Variants in MALRD1 observed in about 807,000 individuals in gnomAD.
MALRD1 encodes MAM and LDL receptor class A domain containing 1, also known as MAM and LDL-receptor class A domain-containing protein 1.
Under a neutral mutation model 242.1 loss-of-function variants are expected in MALRD1, and 247 were observed. The ratio of observed to expected loss-of-function variants is 1.02; its 90% CI spans 0.92 to 1.13. The LOEUF (loss-of-function observed/expected upper bound fraction) is 1.13. Ranked by LOEUF, MALRD1 falls within the 50% of genes most tolerant of loss-of-function variation. The pLI, the probability that MALRD1 is intolerant of heterozygous loss-of-function variation, is 0.00. For missense variants in MALRD1, 2,989 were observed against 2,533.1 expected (o/e 1.18, Z -3.86); for synonymous variants, 995 against 866.6 (o/e 1.15, Z -2.60).
chr10:19,568,581 C>A (rs1836360150), intron 33 of MALRD1, among the ~76,000 whole-genome samples: 1 of 152,032 alleles, frequency 6.6e-6, no homozygotes, highest in Middle Eastern at 3.2e-3. Context: ...ACATTCAGGG[C>A]CTGAGCATCC....
intron 21 of MALRD1, among the ~76,000 whole-genome samples, chr10:19,296,094 A>G (rs1305341691): frequency 6.6e-6 from 1 of 152,070 alleles, no homozygotes; most frequent in Admixed American, 6.6e-5. Context: ...TATTTTATAA[A>G]GCACTGCAAG....
At position 19,165,701 on chromosome 10, in the gene MALRD1, A is replaced by G. The variant is rs1175368208; in HGVS notation, c.1721A>G (p.Asp574Gly). ...TCAGTTTTTACAAGAACGTCTCTAGATGGAAACTTGCAAAAGCAGGGCAAA... is the reference window on the plus strand; with the variant it reads ...TCAGTTTTTACAAGAACGTCTCTAGGTGGAAACTTGCAAAAGCAGGGCAAA... Reference protein sequence around the residue: ...NLSVFTRTSLDGNLQKQGKII... With the variant: ...NLSVFTRTSLGGNLQKQGKII... The change falls in exon 13 of 40, where the codon GAT becomes GGT. Residue 574 changes from aspartate (D) to glycine (G), a missense_variant. Asp to Gly is a moderately conservative substitution (Grantham distance 94). Transcript: ENST00000454679. 33 of 1,231,562 alleles carry G rather than the reference A, an allele frequency of 2.7e-5. No homozygotes were observed. The Admixed American group carries it at 1.2e-3, about 44-fold the overall frequency. 76.3% of individuals were successfully genotyped at this position (1,231,562 alleles called of 1,614,324 possible). A position where few individuals can be genotyped will look rare whatever the true frequency, so the allele number is the denominator to read the frequency against.
chr10:19,118,624 T>C (rs190676340), intron 5 of MALRD1, among the ~76,000 whole-genome samples: 17 of 152,260 alleles, frequency 1.1e-4, no homozygotes, highest in Admixed American at 9.2e-4. Flanking sequence ...ACTGTAGATG[T>C]TTCTTATCAT....
At chr10:19,490,506 C>CGGT (rs771119301) in intron 29 of MALRD1, among the ~76,000 whole-genome samples, 1 of 19,886 alleles carries the variant, frequency 5.0e-5, no homozygotes, top group African/African-American at 1.8e-4. Flanking sequence ...CCAAGTGGGG[C>CGGT]GGGGGGGGGG....
At position 19,280,044 on chromosome 10, in the gene MALRD1, A is replaced by G. The variant is rs1275870889; in HGVS notation, c.3080-3A>G. On this transcript the variant is annotated splice_polypyrimidine_tract_variant and splice_region_variant and intron_variant, in intron 19 of 39. Transcript: ENST00000454679. ...TGATGCCTGTATATTATTTCTTATC[A>G]AGGTAATTTGCCAGCAGACCTCCCA... The G allele has an allele frequency of 6.7e-7, 1 of 1,490,370 alleles. No individual in the cohort carries two copies. Among genetic ancestry groups the G allele is most frequent in the Non-Finnish European group, 8.9e-7 (1 of 1,122,498 alleles). The allele number at this position is 1,490,370 out of a possible 1,614,324, so 92.3% of individuals were successfully genotyped here.
At chr10:19,423,495 G>A (rs1833790163) in intron 28 of MALRD1, among the ~76,000 whole-genome samples, 1 of 151,920 alleles carries the variant, frequency 6.6e-6, no homozygotes, top group South Asian at 2.1e-4. Context: ...AGTGCTCTAA[G>A]TGAATGGTGA....
At chr10:19,162,317 C>G (rs1214482180) in intron 12 of MALRD1, among the ~76,000 whole-genome samples, 2 of 152,110 alleles carry the variant, frequency 1.3e-5, no homozygotes, top group South Asian at 2.1e-4. Context: ...GTTACTTTCT[C>G]TCTATATATT....
intron 35 of MALRD1, among the ~76,000 whole-genome samples, chr10:19,613,864 C>T (rs1028709965): frequency 1.3e-5 from 2 of 151,832 alleles, no homozygotes; most frequent in Admixed American, 1.3e-4. Context: ...TTATGTTCAC[C>T]TTTACACACA....
intron 26 of MALRD1, among the ~76,000 whole-genome samples, chr10:19,366,708 T>C (rs1225233099): frequency 6.6e-6 from 1 of 152,204 alleles, no homozygotes; most frequent in Non-Finnish European, 1.5e-5. Context: ...CATTAGACCT[T>C]GTGCATTAGG....
chr10:19,138,123 C>T (rs1456425079), intron 10 of MALRD1, among the ~76,000 whole-genome samples: 2 of 150,466 alleles, frequency 1.3e-5, no homozygotes, highest in Non-Finnish European at 2.9e-5. Flanking sequence ...CTAAAATCCC[C>T]TTCTGCCATG....
At position 19,584,686 on chromosome 10, in the gene MALRD1, A is replaced by C. The variant is rs765130896; in HGVS notation, c.5681-10508A>C. ...GGAATAGGTGTGGTGTGGTGCTGAA[A>C]AAAATGTATATTCTGTTGATTTGGG... On this transcript the variant is annotated intron_variant, in intron 33 of 39. Transcript: ENST00000454679. 2.1e-3 allele frequency among the ~76,000 whole-genome samples: 312 copies of C among 151,948 alleles called. 2 individuals carry two copies. Among genetic ancestry groups the C allele is most frequent in the Non-Finnish European group, 3.3e-3 (225 of 67,846 alleles).
rs568051233 is a variant in MALRD1 at position 19,586,287 on chromosome 10, A to T, written c.5681-8907A>T. 1.3e-3 allele frequency among the ~76,000 whole-genome samples: 195 copies of T among 152,194 alleles called. 2 individuals are homozygous for T. Among genetic ancestry groups the T allele is most frequent in the African/African-American group, 4.6e-3 (190 of 41,496 alleles). ...CTGGTGAGGAACTGTGTTCCTTTGGAGGAGGAGAGGTGCTCTGCTTTTTAG... is the reference window on the plus strand; with the variant it reads ...CTGGTGAGGAACTGTGTTCCTTTGGTGGAGGAGAGGTGCTCTGCTTTTTAG... On this transcript the variant is annotated intron_variant, in intron 33 of 39. Coordinates refer to ENST00000454679, the MANE Select transcript of MALRD1 (RefSeq NM_001142308.3).
chr10:19,567,543 G>T lies in MALRD1; in HGVS notation c.5520G>T (p.Trp1840Cys). 6.5e-7 allele frequency: 1 copy of T among 1,550,378 alleles called. No individual in the cohort carries two copies. The highest frequency in any genetic ancestry group is 8.7e-7 in the Non-Finnish European group (1 of 1,146,914). The part of the protein sequence containing the change: ...IEESGLNILV[W>C]SVIGNKRTGW... ...AATCGGGGCTAAACATCCTGGTGTGGTCAGTGATTGGAAATAAAAGAACGG... is the reference window on the plus strand; with the variant it reads ...AATCGGGGCTAAACATCCTGGTGTGTTCAGTGATTGGAAATAAAAGAACGG... The change falls in exon 33 of 40, where the codon TGG (tryptophan) becomes TGT (cysteine). Residue 1840 changes from tryptophan (W) to cysteine (C), a missense_variant. Trp to Cys is a radical substitution (Grantham distance 215). Coordinates refer to ENST00000454679, the MANE Select transcript of MALRD1 (RefSeq NM_001142308.3).
chr10:19,729,374 T>C (rs942192510), intron 38 of MALRD1, among the ~76,000 whole-genome samples: 7 of 152,222 alleles, frequency 4.6e-5, no homozygotes, highest in African/African-American at 1.7e-4. Context: ...CACTGTATCC[T>C]GAATAGGCAA....
chr10:19,480,208 G>A lies in MALRD1; in HGVS notation c.5030-11309G>A, dbSNP rs538618028. On this transcript the variant is annotated intron_variant, in intron 29 of 39. Transcript: ENST00000454679. ...GATAAACTAGGAGGCAAAGAAAGAA[G>A]CTAGTGTGTGAATTTTTAATCCTGT... Among the ~76,000 whole-genome samples, 10 of 152,324 alleles carry A rather than the reference G, an allele frequency of 6.6e-5. No individual in the cohort carries two copies. In the South Asian group the frequency reaches 2.1e-3, roughly 32 times the overall value.
chr10:19,345,714 A>G lies in MALRD1; in HGVS notation c.3902-2057A>G, dbSNP rs150703346. 4.8e-3 allele frequency among the ~76,000 whole-genome samples: 723 copies of G among 152,206 alleles called. 6 individuals carry two copies. The highest frequency in any genetic ancestry group is 0.016 in the African/African-American group (664 of 41,570). On this transcript the variant is annotated intron_variant, in intron 24 of 39. Transcript: ENST00000454679. The stretch of plus-strand genomic sequence containing the variant: ...ATTACAAATTTGTATTGGCTGTTAA[A>G]CAATTTAGAAAAACAAATTATTAGT...
At chr10:19,351,717 G>C (rs551011518) in intron 25 of MALRD1, among the ~76,000 whole-genome samples, 1 of 152,226 alleles carries the variant, frequency 6.6e-6, no homozygotes, top group Admixed American at 6.5e-5. Context: ...AGTTTATGAA[G>C]GAATCTTGCT....
chr10:19,433,187 A>G (rs1269170694), intron 28 of MALRD1, among the ~76,000 whole-genome samples: 3 of 152,192 alleles, frequency 2.0e-5, no homozygotes, highest in Non-Finnish European at 4.4e-5. Context: ...AGTAAGTGCT[A>G]AGAAGGAGAA....
chr10:19,569,765 A>G (rs1048175546), intron 33 of MALRD1, among the ~76,000 whole-genome samples: 1 of 146,962 alleles, frequency 6.8e-6, no homozygotes, highest in Non-Finnish European at 1.5e-5. Flanking sequence ...CATATTTATC[A>G]TTATATATAA....
Sources: allele counts gnomAD v4.1 joint callset (sites outside exome capture counted in the v4.1 genomes callset), GRCh38; gene constraint gnomAD v4.1.1; transcripts MANE v1.5; gene names NCBI Gene and HGNC (gene_info 2026-07-23, HGNC 2026-07-21).